SLC68A1: variants seen among roughly 807,000 people sequenced by gnomAD.
The protein encoded by SLC68A1 is major facilitator superfamily domain containing 13A.
the SLC68A1 span, among the ~76,000 whole-genome samples, chr10:102,467,225 G>A: frequency 6.6e-6 from 1 of 152,086 alleles, no homozygotes; most frequent in Admixed American, 6.6e-5. Flanking sequence ...TAGTAGAGAC[G>A]AGGTTGTGCC....
the SLC68A1 span, chr10:102,476,592 C>T: frequency 1.1e-5 from 11 of 986,082 alleles, no homozygotes; most frequent in Non-Finnish European, 1.3e-5. Context: ...TGGGGCTGAG[C>T]CAGAAGCATC....
chr10:102,469,634 C>T, the SLC68A1 span, among the ~76,000 whole-genome samples: 2 of 151,708 alleles, frequency 1.3e-5, no homozygotes, highest in Non-Finnish European at 2.9e-5. Context: ...GCAACCTCCG[C>T]CTTCGTGGTT....
the SLC68A1 span, among the ~76,000 whole-genome samples, chr10:102,469,436 T>C: frequency 6.6e-6 from 1 of 152,204 alleles, no homozygotes; most frequent in Non-Finnish European, 1.5e-5. Context: ...TGTGTACTCA[T>C]ATATATAATA....
chr10:102,463,630 G>T, the SLC68A1 span, among the ~76,000 whole-genome samples: 1 of 150,518 alleles, frequency 6.6e-6, no homozygotes, highest in African/African-American at 2.4e-5. Context: ...CAGGGTGTGG[G>T]GGGGATGATG....
the SLC68A1 span, chr10:102,468,753 GCTCT>G: frequency 5.9e-6 from 2 of 336,760 alleles, no homozygotes; most frequent in Non-Finnish European, 1.1e-5. Context: ...CTTCCCACAG[GCTCT>G]CTGTTTCCTC....
At chr10:102,471,400 T>A in the SLC68A1 span, 1 of 1,609,134 alleles carries the variant, frequency 6.2e-7, no homozygotes, top group Non-Finnish European at 8.5e-7. Context: ...GGTGCAGGTA[T>A]GGGGAGCAGC....
At chr10:102,471,613 C>T in the SLC68A1 span, among the ~76,000 whole-genome samples, 7 of 152,158 alleles carry the variant, frequency 4.6e-5, no homozygotes, top group South Asian at 2.1e-4. Context: ...ATTAGCTGGG[C>T]GTGGTGTAAT....
chr10:102,472,287 T>C, the SLC68A1 span: 3 of 294,062 alleles, frequency 1.0e-5, no homozygotes, highest in Admixed American at 4.9e-5. Context: ...CTTTTTTTTT[T>C]CTTCTCACTT....
At chr10:102,471,331 C>G in the SLC68A1 span, 2 of 1,613,774 alleles carry the variant, frequency 1.2e-6, no homozygotes, top group East Asian at 4.5e-5. Context: ...CACCTTGGGC[C>G]GGTATCTCCG....
chr10:102,470,141 C>T, the SLC68A1 span: 1 of 1,449,790 alleles, frequency 6.9e-7, no homozygotes, highest in Non-Finnish European at 9.6e-7. Flanking sequence ...GGAGGGAGGA[C>T]CCCTGCCTGT....
the SLC68A1 span, chr10:102,470,988 T>TC: frequency 6.2e-7 from 1 of 1,613,274 alleles, no homozygotes; most frequent in African/African-American, 1.3e-5. Flanking sequence ...TTCTCCTCCT[T>TC]CCGCGCTTTC....
the SLC68A1 span, among the ~76,000 whole-genome samples, chr10:102,467,154 C>CA: frequency 6.6e-6 from 1 of 152,232 alleles, no homozygotes; most frequent in Non-Finnish European, 1.5e-5. Context: ...TCTCCTGCCT[C>CA]AGCTCCCCAG....
the SLC68A1 span, among the ~76,000 whole-genome samples, chr10:102,467,761 A>G: frequency 6.6e-6 from 1 of 151,962 alleles, no homozygotes; most frequent in Non-Finnish European, 1.5e-5. Context: ...GGTTCAAGCA[A>G]TTCTCCTCCC....
the SLC68A1 span, chr10:102,475,796 G>T: frequency 6.2e-7 from 1 of 1,614,054 alleles, no homozygotes; most frequent in Non-Finnish European, 8.5e-7. Flanking sequence ...CCCAGCTCCA[G>T]CCCCTGCACA....
At chr10:102,466,476 C>T in the SLC68A1 span, among the ~76,000 whole-genome samples, 2 of 116,158 alleles carry the variant, frequency 1.7e-5, no homozygotes, top group Non-Finnish European at 3.8e-5. Flanking sequence ...GAGCAAGACT[C>T]CACCTCAAAA....
chr10:102,473,873 C>T, the SLC68A1 span: 1 of 1,614,170 alleles, frequency 6.2e-7, no homozygotes, highest in East Asian at 2.2e-5. Flanking sequence ...TGGTCACTGA[C>T]CTGGTAGACG....
At chr10:102,472,695 G>T in the SLC68A1 span, 2 of 685,846 alleles carry the variant, frequency 2.9e-6, no homozygotes, top group African/African-American at 3.6e-5. Context: ...TTGTGTTCTG[G>T]CATGTTCTGT....
At chr10:102,465,326 G>C in the SLC68A1 span, among the ~76,000 whole-genome samples, 1 of 152,098 alleles carries the variant, frequency 6.6e-6, no homozygotes, top group African/African-American at 2.4e-5. Flanking sequence ...TGAGGAGACT[G>C]AGGAAGGAGA....
chr10:102,464,194 G>A, the SLC68A1 span, among the ~76,000 whole-genome samples: 6 of 152,176 alleles, frequency 3.9e-5, no homozygotes, highest in Non-Finnish European at 7.3e-5. Context: ...GCTCTCGCCT[G>A]TGAGCCAGCA....
Sources: gnomAD v4.1 joint callset for allele counts (sites outside exome capture counted in the v4.1 genomes callset) on GRCh38, gnomAD v4.1.1 for gene constraint, MANE v1.5 for transcripts, NCBI Gene and HGNC (gene_info 2026-07-23, HGNC 2026-07-21) for gene names.